WDR82: variants seen among roughly 807,000 people sequenced by gnomAD.
WDR82 encodes the protein WD repeat-containing protein 82.
A neutral mutation model predicts 36.1 loss-of-function variants in WDR82; 8 were observed. That is an observed-to-expected ratio of 0.22 (90% confidence interval 0.13 to 0.40). WDR82 has a LOEUF of 0.40. Among genes scored for constraint, WDR82 ranks in the 10% least tolerant of loss-of-function variants. The pLI, the probability that WDR82 is intolerant of heterozygous loss-of-function variation, is 1.00. For synonymous variants in WDR82, 129 were observed against 137.8 expected (o/e 0.94, Z 0.45); for missense variants, 185 against 400.5 (o/e 0.46, Z 4.59).
intron 6 of WDR82, among the ~76,000 whole-genome samples, 163 bp downstream of exon 6, chr3:52,259,554 C>T (rs1484763943): frequency 1.3e-5 from 2 of 152,146 alleles, no homozygotes; most frequent in African/African-American, 2.4e-5. Flanking sequence ...TGAACATCTA[C>T]GAAATCCAAG....
chr3:52,274,099 C>G (rs1364171833), intron 1 of WDR82, among the ~76,000 whole-genome samples: 2 of 152,194 alleles, frequency 1.3e-5, no homozygotes, highest in Admixed American at 1.3e-4. Flanking sequence ...ATTTGCTTCA[C>G]CTACCACAAA....
chr3:52,272,374 T>C (rs531011826), intron 1 of WDR82, among the ~76,000 whole-genome samples: 1 of 151,730 alleles, frequency 6.6e-6, no homozygotes, highest in Non-Finnish European at 1.5e-5. Flanking sequence ...CGAAACGCTA[T>C]CTCTACTAAA....
rs1335200169 is a variant in WDR82 at position 52,278,588 on chromosome 3, G to A, written c.-227C>T. 1 of 408,014 alleles carries A rather than the reference G, an allele frequency of 2.5e-6. No individual in the cohort carries two copies. Among genetic ancestry groups the A allele is most frequent in the Non-Finnish European group, 4.3e-6 (1 of 234,956 alleles). The allele number at this position is 408,014 out of a possible 1,614,324, so 25.3% of individuals were successfully genotyped here. A position where few individuals can be genotyped will look rare whatever the true frequency, so the allele number is the denominator to read the frequency against. Reference sequence around the variant, plus strand: ...CGTTCGTCCTCACAGCCACCTCACGGACAACCGGCGCGTCGCCGGCTCATT... The same window carrying A: ...CGTTCGTCCTCACAGCCACCTCACGAACAACCGGCGCGTCGCCGGCTCATT... On this transcript the variant is annotated 5_prime_UTR_variant, in exon 1 of 9. Transcript: ENST00000296490.
At chr3:52,259,975 C>A in intron 5 of WDR82, 103 bp from the exon 6 acceptor site, 1 of 1,368,396 alleles carries the variant, frequency 7.3e-7, no homozygotes, top group Non-Finnish European at 9.9e-7. Context: ...CTAAGGAAAG[C>A]AGAGAATGAG....
intron 1 of WDR82, among the ~76,000 whole-genome samples, chr3:52,275,567 A>G (rs1187982068): frequency 1.3e-5 from 2 of 152,170 alleles, no homozygotes; most frequent in Non-Finnish European, 2.9e-5. Flanking sequence ...TGCTCTGGTT[A>G]CATAAGAATG....
At chr3:52,262,809 C>T (rs1229202232) in intron 3 of WDR82, among the ~76,000 whole-genome samples, 1 of 152,192 alleles carries the variant, frequency 6.6e-6, no homozygotes, top group African/African-American at 2.4e-5. Flanking sequence ...GCCAAAATTT[C>T]CTGAGAATGC....
chr3:52,275,011 C>T (rs1384086753), intron 1 of WDR82, among the ~76,000 whole-genome samples: 2 of 152,068 alleles, frequency 1.3e-5, no homozygotes, highest in South Asian at 2.1e-4. Flanking sequence ...CACCTGAGGT[C>T]GGGAATTCGA....
chr3:52,269,719 G>C (rs2107339427), intron 2 of WDR82, among the ~76,000 whole-genome samples: 1 of 152,274 alleles, frequency 6.6e-6, no homozygotes, highest in East Asian at 1.9e-4. Flanking sequence ...AACAGAGTGA[G>C]ACTCTGTCTC....
chr3:52,271,389 TGTAA>T (rs1020312064), intron 1 of WDR82, among the ~76,000 whole-genome samples: 4 of 151,372 alleles, frequency 2.6e-5, no homozygotes, highest in Non-Finnish European at 5.9e-5. Flanking sequence ...GTCAGGTTTG[TGTAA>T]GTACACTCTA....
intron 1 of WDR82, among the ~76,000 whole-genome samples, chr3:52,276,833 C>A (rs192853263): frequency 6.6e-6 from 1 of 152,160 alleles, no homozygotes; most frequent in Non-Finnish European, 1.5e-5. Context: ...CCACTGCAGA[C>A]CACTCTGCCA....
At chr3:52,267,131 G>C in intron 2 of WDR82, 113 bp from the exon 3 acceptor site, 1 of 782,900 alleles carries the variant, frequency 1.3e-6, no homozygotes, top group Non-Finnish European at 2.1e-6. Context: ...TATATCCCAA[G>C]CAAGGCATGA....
chr3:52,277,522 G>C (rs376714649), intron 1 of WDR82, among the ~76,000 whole-genome samples: 1 of 152,226 alleles, frequency 6.6e-6, no homozygotes, highest in East Asian at 1.9e-4. Context: ...GTTCGTTTGT[G>C]TGTGGCAAAA....
At chr3:52,268,012 C>G in intron 2 of WDR82, 1 of 217,402 alleles carries the variant, frequency 4.6e-6, no homozygotes, top group South Asian at 5.9e-5. Flanking sequence ...GGGGTGCTTT[C>G]TAATAAGAGG....
Position 52,255,798 on chromosome 3 carries a change from T to C in WDR82, c.*1692A>G, listed in dbSNP as rs1700000686. ...TGTTTAGGAACTTAGTAAAATGACATACTCCTCTCTCTGCTCTAAGAAGGC... is the reference window on the plus strand; with the variant it reads ...TGTTTAGGAACTTAGTAAAATGACACACTCCTCTCTCTGCTCTAAGAAGGC... On this transcript the variant is annotated 3_prime_UTR_variant, in exon 9 of 9. Transcript: ENST00000296490. 6.6e-6 allele frequency: 1 copy of C among 152,206 alleles called. No homozygotes were observed. 9.4% of individuals were successfully genotyped at this position (152,206 alleles called of 1,614,324 possible).
intron 1 of WDR82, 43 bp downstream of exon 1, chr3:52,278,158 G>T: frequency 6.6e-7 from 1 of 1,524,634 alleles, no homozygotes; most frequent in Non-Finnish European, 8.9e-7. Context: ...GGCCACCGGA[G>T]GGAGGCACTG....
rs1699997854 is a variant in WDR82 at position 52,255,468 on chromosome 3, T to C, written c.*2022A>G. The C allele has an allele frequency of 2.0e-5, 3 of 152,118 alleles. No individual in the cohort carries two copies. The highest frequency in any genetic ancestry group is 4.4e-5 in the Non-Finnish European group (3 of 68,026). The allele number at this position is 152,118 out of a possible 1,614,324, so 9.4% of individuals were successfully genotyped here. ...AAAGCCAGGGGTGGGCAATAACAAT[T>C]AAGATCATTTGGTTTCTAAAAGTTC... On this transcript the variant is annotated 3_prime_UTR_variant, in exon 9 of 9. Coordinates refer to ENST00000296490, the MANE Select transcript of WDR82 (RefSeq NM_025222.4).
In WDR82 at chr3:52,272,451, C is replaced by T. The variant is rs564642695; in HGVS notation, c.162-1642G>A. ...CCCAGCTACTCAGGAGGCTGAGGCA[C>T]GAGAATCACTTAAGCCTGGGAGGCA... is the stretch of plus-strand genomic sequence containing the variant. On this transcript the variant is annotated intron_variant, in intron 1 of 8. Transcript: ENST00000296490. Among the ~76,000 whole-genome samples the T allele has an allele frequency of 4.7e-5, 7 of 148,918 alleles. No homozygotes were observed. In the South Asian group the frequency reaches 6.3e-4, roughly 13 times the overall value.
At chr3:52,272,871 C>A (rs1700167307) in intron 1 of WDR82, among the ~76,000 whole-genome samples, 1 of 152,248 alleles carries the variant, frequency 6.6e-6, no homozygotes. Context: ...GGCTTCCCTA[C>A]ATGAAACCCA....
At position 52,259,199 on chromosome 3, in the gene WDR82, A is replaced by G. The variant is rs1236268853; in HGVS notation, c.767T>C (p.Ile256Thr). The G allele has an allele frequency of 3.7e-6, 6 of 1,614,108 alleles. No homozygotes were observed. The East Asian group carries it at 8.9e-5, about 24-fold the overall frequency. ...ACAGGGGATAAAAGGAAACTCACCA[A>G]TCATAATAAACTGAGAGTCTGGAGT... Reference protein sequence around the residue: ...SFTPDSQFIMIGSEDGKIHVW... With the variant: ...SFTPDSQFIMTGSEDGKIHVW... The change falls in exon 7 of 9, where the codon ATT becomes ACT. Residue 256 changes from isoleucine to threonine, a missense_variant and splice_region_variant. Ile to Thr is a moderately conservative substitution (Grantham distance 89, BLOSUM62 -1). Coordinates refer to ENST00000296490, the MANE Select transcript of WDR82 (RefSeq NM_025222.4).
Sources: allele counts gnomAD v4.1 joint callset (sites outside exome capture counted in the v4.1 genomes callset), GRCh38; gene constraint gnomAD v4.1.1; transcripts MANE v1.5; gene names NCBI Gene and HGNC (gene_info 2026-07-23, HGNC 2026-07-21).